PPP1R12B: variants seen among roughly 807,000 people sequenced by gnomAD.
PPP1R12B encodes the protein myosin phosphatase target subunit 2.
PPP1R12B carries 76 observed loss-of-function variants against 126.1 expected under a neutral mutation model. That is an observed-to-expected ratio of 0.60 (90% CI 0.50 to 0.73). The LOEUF is 0.73. PPP1R12B is among the 30% of genes least tolerant of loss of function. PPP1R12B has a pLI of 0.00. For missense variants in PPP1R12B, 1,052 were observed against 1,205.1 expected, an observed-to-expected ratio of 0.87 and a Z score of 1.88; for synonymous variants, 356 against 434.7, an observed-to-expected ratio of 0.82 and a Z score of 2.25.
intron 17 of PPP1R12B, among the ~76,000 whole-genome samples, chr1:202,496,063 G>A (rs1172282778): frequency 2.0e-5 from 3 of 152,206 alleles, no homozygotes; most frequent in African/African-American, 7.2e-5. Context: ...CCACATATGA[G>A]CAGAGATTCT....
At chr1:202,549,609 G>A (rs1476865714) in intron 18 of PPP1R12B, among the ~76,000 whole-genome samples, 5 of 151,810 alleles carry the variant, frequency 3.3e-5, no homozygotes, top group African/African-American at 1.2e-4. Context: ...TAGTAGAGAC[G>A]GGGTTTCACC....
Position 202,580,689 on chromosome 1 carries a change from C to T in PPP1R12B, c.*129C>T, listed in dbSNP as rs549661035. 67 of 730,812 alleles carry T rather than the reference C, an allele frequency of 9.2e-5. No individual in the cohort carries two copies. The highest frequency in any genetic ancestry group is 2.6e-4 in the Admixed American group (12 of 46,940). The allele number at this position is 730,812 out of a possible 1,614,324, so 45.3% of individuals were successfully genotyped here. A position where few individuals can be genotyped will look rare whatever the true frequency, so the allele number is the denominator to read the frequency against. ...GAAGGACACTTCTTTCTATCACCCT[C>T]TTCAGTCACCTCTATACACTCTACA... On this transcript the variant is annotated 3_prime_UTR_variant, in exon 24 of 24. Coordinates refer to ENST00000608999, the MANE Select transcript of PPP1R12B (RefSeq NM_002481.4).
At chr1:202,366,239 C>G (rs1473050035) in intron 1 of PPP1R12B, among the ~76,000 whole-genome samples, 1 of 151,938 alleles carries the variant, frequency 6.6e-6, no homozygotes, top group Non-Finnish European at 1.5e-5. Context: ...TTCATTGTTG[C>G]TGGGTGTGGT....
At chr1:202,364,491 A>G (rs1253096254) in intron 1 of PPP1R12B, among the ~76,000 whole-genome samples, 1 of 152,170 alleles carries the variant, frequency 6.6e-6, no homozygotes, top group African/African-American at 2.4e-5. Context: ...CAGCGGCTCA[A>G]TCATGGCTCA....
chr1:202,449,145 C>G lies in PPP1R12B; in HGVS notation c.1824C>G (p.Ser608=), dbSNP rs778058736. The G allele has an allele frequency of 4.3e-6, 7 of 1,611,058 alleles. No individual in the cohort carries two copies. In the Admixed American group the frequency reaches 1.2e-4, roughly 27 times the overall value. ...TPVLSITGTD[S]SVEAREKRRS... is the part of the protein sequence containing the mutation. ...TGCTCTCCATTACTGGAACAGATTCCTCTGTGGAAGCCAGGGAGAAGAGGA... is the reference window on the plus strand; with the variant it reads ...TGCTCTCCATTACTGGAACAGATTCGTCTGTGGAAGCCAGGGAGAAGAGGA... Residue 608 remains serine (S), a synonymous_variant, in exon 13 of 24, where the codon TCC becomes TCG. Transcript: ENST00000608999.
Position 202,508,011 on chromosome 1 carries a change from C to T in PPP1R12B, c.2490+11189C>T, listed in dbSNP as rs1373575222. Among the ~76,000 whole-genome samples the T allele has an allele frequency of 2.0e-5, 3 of 152,190 alleles. No individual in the cohort carries two copies. Among genetic ancestry groups the T allele is most frequent in the South Asian group, 2.1e-4 (1 of 4,824 alleles). On this transcript the variant is annotated intron_variant, in intron 18 of 23. Transcript: ENST00000608999. This position sits in a 1 kb window ranked among gnomAD's most constrained non-coding sequence, Gnocchi z 4.5. The stretch of plus-strand genomic sequence containing the variant: ...ATGTTGAGCTTAAGGCACTAACAGA[C>T]GTTACCTTTAGAAGTGTTATTTTGG...
chr1:202,357,484 A>G (rs944604609), intron 1 of PPP1R12B, among the ~76,000 whole-genome samples: 2 of 152,208 alleles, frequency 1.3e-5, no homozygotes, highest in African/African-American at 4.8e-5. Flanking sequence ...TAGATTTTCC[A>G]TCAATATAAT....
At chr1:202,398,822 G>T (rs1665384251) in intron 1 of PPP1R12B, among the ~76,000 whole-genome samples, 2 of 152,184 alleles carry the variant, frequency 1.3e-5, no homozygotes, top group Non-Finnish European at 2.9e-5. Flanking sequence ...TGGCTTTGGT[G>T]AAGCCTTTTG....
At chr1:202,566,391 C>T (rs1388100782) in intron 21 of PPP1R12B, among the ~76,000 whole-genome samples, 2 of 152,178 alleles carry the variant, frequency 1.3e-5, no homozygotes, top group Non-Finnish European at 2.9e-5. Context: ...CTGCCATTTA[C>T]CAAAAATGGA....
chr1:202,387,920 T>C (rs181295705), intron 1 of PPP1R12B, among the ~76,000 whole-genome samples: 2 of 152,110 alleles, frequency 1.3e-5, no homozygotes, highest in African/African-American at 4.8e-5. Flanking sequence ...AAATTAGTTG[T>C]GGGATTAACA....
At chr1:202,464,799 A>G (rs930352004) in intron 13 of PPP1R12B, among the ~76,000 whole-genome samples, 1 of 152,216 alleles carries the variant, frequency 6.6e-6, no homozygotes, top group African/African-American at 2.4e-5. Context: ...TAAAAACTGT[A>G]TGATAAAAAA....
intron 2 of PPP1R12B, among the ~76,000 whole-genome samples, chr1:202,417,604 A>G (rs1668249256): frequency 6.6e-6 from 1 of 152,212 alleles, no homozygotes; most frequent in Non-Finnish European, 1.5e-5. Context: ...TTAAACAAGG[A>G]AACATCTTTG....
At chr1:202,515,961 G>GCCTGAAC (rs1488287995) in intron 18 of PPP1R12B, among the ~76,000 whole-genome samples, 1 of 152,158 alleles carries the variant, frequency 6.6e-6, no homozygotes, top group East Asian at 1.9e-4. Context: ...AGGCAGTGAA[G>GCCTGAAC]CCTGAACCCT....
chr1:202,571,419 G>A (rs1416760220), intron 23 of PPP1R12B, among the ~76,000 whole-genome samples: 1 of 151,456 alleles, frequency 6.6e-6, no homozygotes, highest in East Asian at 2.0e-4. Context: ...TAAACCAATA[G>A]GTAAGCTGTT....
intron 13 of PPP1R12B, among the ~76,000 whole-genome samples, chr1:202,456,018 C>G (rs1673583202): frequency 6.6e-6 from 1 of 152,022 alleles, no homozygotes; most frequent in African/African-American, 2.4e-5. Context: ...TCTGTAATCC[C>G]AGCACTTTGG....
chr1:202,561,832 C>T (rs147995218), intron 19 of PPP1R12B, among the ~76,000 whole-genome samples: 2 of 152,294 alleles, frequency 1.3e-5, no homozygotes, highest in African/African-American at 2.4e-5. Flanking sequence ...CTTATTGCTT[C>T]TCTATCTCTT....
intron 1 of PPP1R12B, among the ~76,000 whole-genome samples, chr1:202,354,340 G>A (rs1395778773): frequency 6.6e-6 from 1 of 152,182 alleles, no homozygotes. Context: ...GGAGGCTGAG[G>A]CAGGAGGATC....
rs927860582 is a variant in PPP1R12B, at chr1:202,443,783, A to G, written c.1667+1211A>G. On this transcript the variant is annotated intron_variant, in intron 12 of 23. Coordinates refer to ENST00000608999, the MANE Select transcript of PPP1R12B (RefSeq NM_002481.4). ...GATCAAGGGAAGGGAGAAAGCTGCC[A>G]TTTAATTTCCAGGCATGGAGTTATT... is the stretch of plus-strand genomic sequence containing the variant. Among the ~76,000 whole-genome samples the G allele has an allele frequency of 3.3e-5, 5 of 152,232 alleles. No homozygotes were observed. The East Asian group carries it at 9.6e-4, about 29-fold the overall frequency.
intron 13 of PPP1R12B, among the ~76,000 whole-genome samples, chr1:202,478,898 A>G (rs1677010869): frequency 6.6e-6 from 1 of 152,240 alleles, no homozygotes; most frequent in Non-Finnish European, 1.5e-5. Flanking sequence ...AGTAGGCAGT[A>G]GGATAAGGGA....
Sources: gnomAD v4.1 joint callset for allele counts (sites outside exome capture counted in the v4.1 genomes callset) on GRCh38, gnomAD v4.1.1 for gene constraint, Gnocchi (gnomAD v3.1) non-coding constraint, MANE v1.5 for transcripts, NCBI Gene and HGNC (gene_info 2026-07-23, HGNC 2026-07-21) for gene names.